TAFA4: variants seen among roughly 807,000 people sequenced by gnomAD.
TAFA4 encodes the protein chemokine-like protein TAFA-4.
TAFA4 carries 20 observed loss-of-function variants against 21.1 expected under a neutral mutation model. That is an observed-to-expected ratio of 0.95 (90% confidence interval 0.67 to 1.38). The LOEUF is 1.38. TAFA4 is among the 40% of genes most tolerant of loss of function. The probability of loss-of-function intolerance (pLI) is 0.00; values close to 1 mark genes in which losing one functional copy is unlikely to be tolerated. For synonymous variants in TAFA4, 71 were observed against 67.4 expected (o/e 1.05, Z -0.26); for missense variants, 211 against 180.9 (o/e 1.17, Z -0.95).
chr3:68,916,441 G>A (rs1454869879), intron 1 of TAFA4, among the ~76,000 whole-genome samples: 1 of 152,104 alleles, frequency 6.6e-6, no homozygotes, highest in African/African-American at 2.4e-5. Flanking sequence ...AATCCGTTGT[G>A]TGGTTTCCTT....
At chr3:68,746,582 A>ATATT (rs1702461898) in intron 4 of TAFA4, among the ~76,000 whole-genome samples, 1 of 152,194 alleles carries the variant, frequency 6.6e-6, no homozygotes, top group African/African-American at 2.4e-5. Context: ...ATTAACTTTT[A>ATATT]TATTTCTTGT....
At chr3:68,855,052 G>A (rs1575642758) in intron 3 of TAFA4, among the ~76,000 whole-genome samples, 1 of 152,034 alleles carries the variant, frequency 6.6e-6, no homozygotes, top group East Asian at 1.9e-4. Flanking sequence ...CCAGAACAAT[G>A]ACAATGATAA....
At chr3:68,926,105 G>C (rs774039126) in intron 1 of TAFA4, among the ~76,000 whole-genome samples, 1 of 151,946 alleles carries the variant, frequency 6.6e-6, no homozygotes, top group Non-Finnish European at 1.5e-5. Flanking sequence ...GGTGGCGCAC[G>C]CCTGTACTCC....
chr3:68,821,063 A>G (rs1559532765), intron 3 of TAFA4, among the ~76,000 whole-genome samples: 1 of 152,224 alleles, frequency 6.6e-6, no homozygotes, highest in Non-Finnish European at 1.5e-5. Context: ...TTTAGTCACT[A>G]ATGTGCTGTG....
In TAFA4 at chr3:68,745,114, G is replaced by C. The variant is rs1449615650; in HGVS notation, c.287-5915C>G. ...AAAGACACATTGCAAATTCCGTTAT[G>C]AGTTAAGGATTGACTAAAAACTGAC... On this transcript the variant is annotated intron_variant, in intron 4 of 5. Coordinates refer to ENST00000295569, the MANE Select transcript of TAFA4 (RefSeq NM_182522.5). Among the ~76,000 whole-genome samples the C allele has an allele frequency of 2.0e-5, 3 of 152,280 alleles. No individual in the cohort carries two copies. The East Asian group carries it at 5.8e-4, about 29-fold the overall frequency.
intron 3 of TAFA4, among the ~76,000 whole-genome samples, chr3:68,847,478 C>G (rs553423625): frequency 9.7e-4 from 148 of 152,244 alleles, no homozygotes; most frequent in Non-Finnish European, 1.3e-3. Flanking sequence ...ATCCACTGAA[C>G]TAGACCACTT....
rs1039649030 is a variant in TAFA4 at position 68,846,849 on chromosome 3, G to C, written c.130+33881C>G. On this transcript the variant is annotated intron_variant, in intron 3 of 5. Transcript: ENST00000295569. Reference sequence around the variant, plus strand: ...GTTTGCCTGGGTATCACCAGTGGAGGCTGCAGAACAGCAAAGATTGCTGCC... The same window carrying C: ...GTTTGCCTGGGTATCACCAGTGGAGCCTGCAGAACAGCAAAGATTGCTGCC... Among the ~76,000 whole-genome samples, 4 of 152,150 alleles carry C rather than the reference G, an allele frequency of 2.6e-5. 1 individual carries two copies. The South Asian group carries it at 8.3e-4, about 32-fold the overall frequency.
intron 3 of TAFA4, among the ~76,000 whole-genome samples, chr3:68,795,236 G>C: frequency 6.6e-6 from 1 of 150,844 alleles, no homozygotes; most frequent in East Asian, 1.9e-4. Context: ...TAACAGAGAG[G>C]GTACAACGCA....
intron 3 of TAFA4, among the ~76,000 whole-genome samples, chr3:68,844,304 T>C (rs1001410506): frequency 1.1e-4 from 16 of 152,220 alleles, no homozygotes; most frequent in South Asian, 2.1e-4. Flanking sequence ...TTTATTTGCA[T>C]AGAGGTGTTT....
intron 3 of TAFA4, among the ~76,000 whole-genome samples, chr3:68,753,388 T>G (rs2106753960): frequency 7.0e-6 from 1 of 142,788 alleles, no homozygotes; most frequent in Middle Eastern, 4.3e-3. Context: ...GAGATTGGAG[T>G]GCAGTGGCAC....
At chr3:68,921,877 T>A (rs899228705) in intron 1 of TAFA4, among the ~76,000 whole-genome samples, 2 of 152,152 alleles carry the variant, frequency 1.3e-5, no homozygotes, top group African/African-American at 4.8e-5. Flanking sequence ...TGCCTCAACA[T>A]CCATTTAAAC....
In TAFA4 at chr3:68,747,602, G is replaced by A. The variant is rs200947815; in HGVS notation, c.286+5261C>T. On this transcript the variant is annotated intron_variant, in intron 4 of 5. Transcript: ENST00000295569. Reference sequence around the variant, plus strand: ...TTTGCTTTATAAATTACCCATTCTCGGGTATGTCTTTATTAGCAGCGTGAG... The same window carrying A: ...TTTGCTTTATAAATTACCCATTCTCAGGTATGTCTTTATTAGCAGCGTGAG... Among the ~76,000 whole-genome samples the A allele has an allele frequency of 1.7e-4, 26 of 152,114 alleles. No homozygotes were observed. The East Asian group carries it at 2.5e-3, about 15-fold the overall frequency.
chr3:68,797,111 C>A (rs1402714034), intron 3 of TAFA4, among the ~76,000 whole-genome samples: 2 of 152,124 alleles, frequency 1.3e-5, no homozygotes, highest in Admixed American at 1.3e-4. Flanking sequence ...AAAGTAAAAA[C>A]AGAATTACCA....
chr3:68,768,106 T>C (rs2106778047), intron 3 of TAFA4, among the ~76,000 whole-genome samples: 1 of 151,972 alleles, frequency 6.6e-6, no homozygotes, highest in Middle Eastern at 3.4e-3. Flanking sequence ...AAAGCAAAAA[T>C]AGATAAATAG....
chr3:68,928,997 A>AT (rs1017073676), intron 1 of TAFA4, among the ~76,000 whole-genome samples: 5 of 151,796 alleles, frequency 3.3e-5, no homozygotes, highest in Non-Finnish European at 7.4e-5. Flanking sequence ...AAAAAAAAAA[A>AT]AAGAGCCCTT....
intron 3 of TAFA4, among the ~76,000 whole-genome samples, chr3:68,769,322 A>G (rs898674678): frequency 3.9e-5 from 6 of 152,238 alleles, no homozygotes; most frequent in Admixed American, 3.9e-4. Flanking sequence ...ATTCTACCTT[A>G]TGGTGAGTTA....
At chr3:68,792,173 A>G (rs989532317) in intron 3 of TAFA4, among the ~76,000 whole-genome samples, 1 of 152,236 alleles carries the variant, frequency 6.6e-6, no homozygotes, top group African/African-American at 2.4e-5. Context: ...AGGCTGAACT[A>G]ATACCATATT....
chr3:68,752,270 G>GT (rs998145809), intron 4 of TAFA4, among the ~76,000 whole-genome samples: 25 of 151,932 alleles, frequency 1.6e-4, no homozygotes, highest in African/African-American at 5.3e-4. Context: ...AGAAGCCAGG[G>GT]GTATCAAAAG....
At chr3:68,911,440 T>C (rs2089960926) in intron 1 of TAFA4, among the ~76,000 whole-genome samples, 1 of 152,214 alleles carries the variant, frequency 6.6e-6, no homozygotes, top group Admixed American at 6.5e-5. Flanking sequence ...CAAGGTCCCA[T>C]GCTAGCTCAT....
Sources: gnomAD v4.1 joint callset for allele counts (sites outside exome capture counted in the v4.1 genomes callset) on GRCh38, gnomAD v4.1.1 for gene constraint, MANE v1.5 for transcripts, NCBI Gene and HGNC (gene_info 2026-07-23, HGNC 2026-07-21) for gene names.